The following CDH3 variants were observed in gnomAD, a reference collection of about 807,000 sequenced individuals.
The protein encoded by CDH3 is cadherin-3.
CDH3 carries 54 observed loss-of-function variants against 82.0 expected under a neutral mutation model. The ratio of observed to expected loss-of-function variants is 0.66; its 90% CI spans 0.53 to 0.83. The LOEUF (loss-of-function observed/expected upper bound fraction) is 0.83, where lower values mean the gene tolerates loss of function less well. CDH3 is among the 40% of genes least tolerant of loss of function. The probability of loss-of-function intolerance (pLI) is 0.00; values close to 1 mark genes in which losing one functional copy is unlikely to be tolerated. For synonymous variants in CDH3, 446 were observed against 437.9 expected (o/e 1.02, Z -0.23); for missense variants, 1,054 against 1,084.6 (o/e 0.97, Z 0.40).
intron 1 of CDH3, among the ~76,000 whole-genome samples, chr16:68,712,587 G>A (rs1344748126): frequency 1.3e-5 from 2 of 152,098 alleles, no homozygotes; most frequent in African/African-American, 2.4e-5. Flanking sequence ...ATAACATTGT[G>A]CAGATGGTGA....
rs1597805198 is a variant in CDH3 at position 68,676,409 on chromosome 16, A to T, written c.185A>T (p.Glu62Val). ...GTATTCATGGGCTGCCCTGGGCAAG[A>T]GCCAGCTCTGTTTAGCACTGATAAT... ...GKVFMGCPGQ[E>V]PALFSTDNDD... The change falls in exon 3 of 16, where the codon GAG becomes GTG. Residue 62 changes from glutamate (E) to valine (V), a missense_variant. Transcript: ENST00000264012. 6.2e-7 allele frequency: 1 copy of T among 1,614,082 alleles called. No individual in the cohort carries two copies. Among genetic ancestry groups the T allele is most frequent in the East Asian group, 2.2e-5 (1 of 44,892 alleles).
At chr16:68,673,746 G>A (rs2152097972) in intron 2 of CDH3, among the ~76,000 whole-genome samples, 1 of 152,252 alleles carries the variant, frequency 6.6e-6, no homozygotes, top group African/African-American at 2.4e-5. Flanking sequence ...CCAACATGGT[G>A]AAACCCCATC....
In CDH3 at chr16:68,678,759, C is replaced by T. The variant is rs112542580; in HGVS notation, c.547-3C>T. ...GCTGACCCCAGAGCTGTGTACCCCACAGCTCTTTGGCCACGCTGTGTCAGA... is the reference window on the plus strand; with the variant it reads ...GCTGACCCCAGAGCTGTGTACCCCATAGCTCTTTGGCCACGCTGTGTCAGA... On this transcript the variant is annotated splice_region_variant and splice_polypyrimidine_tract_variant and intron_variant, in intron 5 of 15. Coordinates refer to ENST00000264012, the MANE Select transcript of CDH3 (RefSeq NM_001793.6). 25 of 1,614,066 alleles carry T rather than the reference C, an allele frequency of 1.5e-5. No individual in the cohort carries two copies. Among genetic ancestry groups the T allele is most frequent in the Non-Finnish European group, 2.1e-5 (25 of 1,180,036 alleles).
chr16:68,654,713 A>AAAAAT, intron 2 of CDH3, among the ~76,000 whole-genome samples: 1 of 91,112 alleles, frequency 1.1e-5, no homozygotes, highest in African/African-American at 4.3e-5. Flanking sequence ...AAAAAAAAAA[A>AAAAAT]ATATATATAT....
At chr16:68,724,926 G>T (rs559732025) in intron 2 of CDH3, among the ~76,000 whole-genome samples, 3 of 152,226 alleles carry the variant, frequency 2.0e-5, no homozygotes, top group East Asian at 3.9e-4. Flanking sequence ...GCCAGCAGAG[G>T]GTTGGTTGGG....
intron 1 of CDH3, among the ~76,000 whole-genome samples, chr16:68,710,991 CGGGAGGAAAG>C (rs1280208875): frequency 6.7e-5 from 2 of 30,016 alleles, no homozygotes; most frequent in African/African-American, 2.7e-4. Context: ...GGGGAGGGGA[CGGGAGGAAAG>C]GGGAGGGGAG....
chr16:68,670,093 G>A (rs1000169526), intron 2 of CDH3, among the ~76,000 whole-genome samples: 11 of 151,904 alleles, frequency 7.2e-5, no homozygotes, highest in Admixed American at 4.6e-4. Context: ...GCCTGGTGGC[G>A]GGCGCCTGTA....
intron 4 of CDH3, 44 bp from the exon 5 acceptor site, chr16:68,678,457 G>C: frequency 6.2e-7 from 1 of 1,612,620 alleles, no homozygotes; most frequent in Non-Finnish European, 8.5e-7. Context: ...CACAGTCATG[G>C]GATATTTGTT....
chr16:68,646,448 A>G (rs1960067707), intron 2 of CDH3, among the ~76,000 whole-genome samples: 2 of 150,906 alleles, frequency 1.3e-5, no homozygotes, highest in Admixed American at 1.3e-4. Context: ...GCCTGGGGCT[A>G]TGGGGGCGAT....
At position 68,698,559 on chromosome 16, in the gene CDH3, CCT is replaced by C. The variant is rs1431286244; in HGVS notation, c.*160_*161del. ...GAGTCTGACGTTAGAGTGGTGGCTT[CCT>C]TAGCCTTTCAGGATGGAGGAATGTG... On this transcript the variant is annotated 3_prime_UTR_variant, in exon 16 of 16. Transcript: ENST00000264012. 1.6e-6 allele frequency: 1 copy of C among 643,312 alleles called. No homozygotes were observed. Among genetic ancestry groups the C allele is most frequent in the Non-Finnish European group, 2.7e-6 (1 of 365,290 alleles). 39.9% of individuals were successfully genotyped at this position (643,312 alleles called of 1,614,324 possible). A position where few individuals can be genotyped will look rare whatever the true frequency, so the allele number is the denominator to read the frequency against.
downstream of CDH3, among the ~76,000 whole-genome samples, chr16:68,700,623 G>A (rs1022233388): frequency 1.3e-5 from 2 of 152,146 alleles, no homozygotes; most frequent in African/African-American, 2.4e-5. Flanking sequence ...GGCCTGATCC[G>A]CCCGCCTCGG....
chr16:68,646,073 G>GCCGGCCACATTCTT (rs1298250421), intron 2 of CDH3: 2 of 380,732 alleles, frequency 5.3e-6, no homozygotes, highest in Admixed American at 8.5e-5. Flanking sequence ...AGAGGAATGC[G>GCCGGCCACATTCTT]CCGGCCACAT....
downstream of CDH3, among the ~76,000 whole-genome samples, chr16:68,731,379 A>ATATATATATATAT (rs1260709652): frequency 1.0e-4 from 1 of 9,552 alleles, no homozygotes; most frequent in Non-Finnish European, 2.3e-4. Context: ...AAAAAAAAAA[A>ATATATATATATAT]AAAAAAAAAA....
At chr16:68,650,953 A>AG in intron 2 of CDH3, 1 of 200,758 alleles carries the variant, frequency 5.0e-6, no homozygotes, top group Non-Finnish European at 1.0e-5. Flanking sequence ...AAAAAAAAAA[A>AG]AGAAGAGGAA....
intron 13 of CDH3, among the ~76,000 whole-genome samples, chr16:68,692,220 A>G (rs1961600077): frequency 6.6e-6 from 1 of 151,988 alleles, no homozygotes; most frequent in African/African-American, 2.4e-5. Context: ...TATTTTTTGT[A>G]AAAATGGGGC....
intron 2 of CDH3, among the ~76,000 whole-genome samples, chr16:68,661,952 A>G (rs1316024668): frequency 6.6e-6 from 1 of 152,172 alleles, no homozygotes; most frequent in Non-Finnish European, 1.5e-5. Flanking sequence ...CAGCCTCCCA[A>G]AGTGCTGGGA....
intron 2 of CDH3, among the ~76,000 whole-genome samples, chr16:68,670,959 G>C (rs940973653): frequency 1.3e-5 from 2 of 152,094 alleles, no homozygotes; most frequent in Admixed American, 6.6e-5. Flanking sequence ...TGTAGTCCCA[G>C]CTACTCAAGA....
At chr16:68,682,566 C>T (rs1484619134) in intron 9 of CDH3, 79 bp downstream of exon 9, 4 of 1,338,006 alleles carry the variant, frequency 3.0e-6, no homozygotes, top group Non-Finnish European at 4.3e-6. Context: ...GAGCCACTGT[C>T]TACCGTGGGC....
intron 2 of CDH3, 174 bp downstream of exon 2, chr16:68,645,924 G>A: frequency 3.3e-6 from 2 of 604,812 alleles, no homozygotes; most frequent in Non-Finnish European, 5.9e-6. Context: ...GACGGAGAAG[G>A]CTGGGCAGCA....
Sources: gnomAD v4.1 joint callset for allele counts (sites outside exome capture counted in the v4.1 genomes callset) on GRCh38, gnomAD v4.1.1 for gene constraint, MANE v1.5 for transcripts, NCBI Gene and HGNC (gene_info 2026-07-23, HGNC 2026-07-21) for gene names.